The following DOCK4 variants were observed in gnomAD, a reference collection of about 807,000 sequenced individuals.
DOCK4 encodes dedicator of cytokinesis protein 4.
Under a neutral mutation model 268.1 loss-of-function variants are expected in DOCK4, and 97 were observed. That is an observed-to-expected ratio of 0.36 (90% confidence interval 0.31 to 0.43). The LOEUF is 0.43. DOCK4 is among the 20% of genes least tolerant of loss of function. The pLI is 1.00. For missense variants in DOCK4, 2,145 were observed against 2,455.7 expected, an observed-to-expected ratio of 0.87 and a Z score of 2.67; for synonymous variants, 954 against 887.2, an observed-to-expected ratio of 1.08 and a Z score of -1.34.
chr7:111,984,732 G>A (rs1448349085), intron 6 of DOCK4, among the ~76,000 whole-genome samples: 1 of 152,296 alleles, frequency 6.6e-6, no homozygotes, highest in East Asian at 1.9e-4. Flanking sequence ...TGGAGTGAAT[G>A]GAAACTAGAG....
At chr7:111,778,839 G>T (rs750855203) in intron 35 of DOCK4, among the ~76,000 whole-genome samples, 1 of 152,046 alleles carries the variant, frequency 6.6e-6, no homozygotes, top group Non-Finnish European at 1.5e-5. Flanking sequence ...GACAGATCAC[G>T]AGGTCAAGAG....
At chr7:112,190,215 C>T (rs1819825333) in intron 1 of DOCK4, among the ~76,000 whole-genome samples, 1 of 152,172 alleles carries the variant, frequency 6.6e-6, no homozygotes, top group African/African-American at 2.4e-5. Context: ...TACAGGTTAG[C>T]TCTGTGTTAC....
At chr7:111,779,187 A>G (rs1798643592) in intron 35 of DOCK4, among the ~76,000 whole-genome samples, 1 of 152,112 alleles carries the variant, frequency 6.6e-6, no homozygotes, top group Non-Finnish European at 1.5e-5. Flanking sequence ...TATTTTTAAG[A>G]TGTTATTCTG....
intron 26 of DOCK4, among the ~76,000 whole-genome samples, chr7:111,830,584 C>T (rs774862944): frequency 1.3e-4 from 19 of 151,988 alleles, no homozygotes; most frequent in Non-Finnish European, 2.5e-4. Context: ...TAATTCTGTC[C>T]CTTCCTGCTG....
intron 1 of DOCK4, among the ~76,000 whole-genome samples, chr7:112,034,413 C>T (rs1309671339): frequency 3.3e-5 from 5 of 152,172 alleles, no homozygotes; most frequent in Non-Finnish European, 7.4e-5. Flanking sequence ...TGACTAAACC[C>T]TGAACATCCT....
In DOCK4 at chr7:111,871,982, G is replaced by A. The variant is rs926569523; in HGVS notation, c.2027+8C>T. On this transcript the variant is annotated splice_region_variant and intron_variant, in intron 20 of 52. Transcript: ENST00000428084. ...CTTCTAAACTAATTACAAGATACAG[G>A]GCCTTACCTGTATGCAAGTGCCCCA... 2 of 1,541,964 alleles carry A rather than the reference G, an allele frequency of 1.3e-6. No individual in the cohort carries two copies. Among genetic ancestry groups the A allele is most frequent in the Non-Finnish European group, 1.8e-6 (2 of 1,142,350 alleles).
intron 1 of DOCK4, among the ~76,000 whole-genome samples, chr7:112,026,734 T>C (rs112675327): frequency 1.2e-4 from 19 of 152,358 alleles, no homozygotes; most frequent in African/African-American, 4.1e-4. Flanking sequence ...GACAGAGTCC[T>C]GTGGTCGGAA....
intron 1 of DOCK4, among the ~76,000 whole-genome samples, chr7:112,063,363 T>C (rs571516668): frequency 1.9e-4 from 29 of 152,318 alleles, no homozygotes; most frequent in Non-Finnish European, 3.5e-4. Flanking sequence ...GATAAACCCA[T>C]TGTAAACTGA....
chr7:111,874,044 T>A (rs1040285139), intron 17 of DOCK4, among the ~76,000 whole-genome samples: 1 of 152,152 alleles, frequency 6.6e-6, no homozygotes, highest in Non-Finnish European at 1.5e-5. Flanking sequence ...AGAGTGAGAC[T>A]CAGGGCGACA....
chr7:111,883,695 C>G (rs552044316), intron 16 of DOCK4, among the ~76,000 whole-genome samples: 3 of 152,192 alleles, frequency 2.0e-5, no homozygotes, highest in South Asian at 4.2e-4. Flanking sequence ...GAAGACTTGG[C>G]TGCTTTTCCA....
intron 15 of DOCK4, among the ~76,000 whole-genome samples, chr7:111,899,886 T>G (rs1790993891): frequency 6.6e-6 from 1 of 152,224 alleles, no homozygotes; most frequent in Non-Finnish European, 1.5e-5. Flanking sequence ...ATTGCGCCAC[T>G]GCACTCCAGC....
intron 26 of DOCK4, among the ~76,000 whole-genome samples, chr7:111,826,563 C>T (rs981905964): frequency 5.3e-5 from 8 of 152,054 alleles, no homozygotes; most frequent in Non-Finnish European, 7.4e-5. Context: ...AAAAAAAGAA[C>T]AAAATCATGT....
intron 1 of DOCK4, among the ~76,000 whole-genome samples, chr7:112,058,322 C>G (rs1806036923): frequency 6.6e-6 from 1 of 152,126 alleles, no homozygotes; most frequent in African/African-American, 2.4e-5. Context: ...CATTGCCCCT[C>G]TACTCCAAGA....
chr7:111,969,210 T>TAA (rs544019193), intron 8 of DOCK4, among the ~76,000 whole-genome samples: 3 of 98,162 alleles, frequency 3.1e-5, no homozygotes, highest in African/African-American at 6.9e-5. Context: ...TAGAGTATAA[T>TAA]AAAAAAAAAA....
chr7:111,801,011 C>T lies in DOCK4; in HGVS notation c.3166+7810G>A, dbSNP rs189257343. Among the ~76,000 whole-genome samples, 12 of 152,258 alleles carry T rather than the reference C, an allele frequency of 7.9e-5. No homozygotes were observed. The East Asian group carries it at 1.9e-3, about 24-fold the overall frequency. The stretch of plus-strand genomic sequence containing the variant: ...AACATTTCTTCTCTAACAGAAAAGG[C>T]GGCTGAAGAGCCAGGCTGGAAAACT... On this transcript the variant is annotated intron_variant, in intron 30 of 52. Transcript: ENST00000428084.
intron 1 of DOCK4, among the ~76,000 whole-genome samples, chr7:112,136,124 G>C (rs569823118): frequency 1.3e-5 from 2 of 152,284 alleles, no homozygotes; most frequent in East Asian, 3.9e-4. Context: ...CCTCAGTGTG[G>C]CTTATAACCC....
At chr7:111,808,763 A>T in intron 30 of DOCK4, 58 bp downstream of exon 30, 2 of 1,552,890 alleles carry the variant, frequency 1.3e-6, no homozygotes, top group African/African-American at 1.4e-5. Flanking sequence ...TCATTTGTAC[A>T]CTTCAAGGTA....
intron 39 of DOCK4, among the ~76,000 whole-genome samples, chr7:111,764,541 C>A (rs1409806554): frequency 6.6e-6 from 1 of 152,102 alleles, no homozygotes; most frequent in Non-Finnish European, 1.5e-5. Context: ...CACTACTGGG[C>A]AGAATGTGAA....
rs542217810 is a variant in DOCK4, at chr7:111,820,408, T to C, written c.2930+1954A>G. 3.9e-5 allele frequency: 6 copies of C among 152,314 alleles called. No homozygotes were observed. The East Asian group carries it at 7.7e-4, about 20-fold the overall frequency. 9.4% of individuals were successfully genotyped at this position (152,314 alleles called of 1,614,324 possible). Reference sequence around the variant, plus strand: ...ACATTTAGCAAAGGGTGATGGCACATTTCTTGGGTTTGCTATGGGAGTAAC... The same window carrying C: ...ACATTTAGCAAAGGGTGATGGCACACTTCTTGGGTTTGCTATGGGAGTAAC... On this transcript the variant is annotated intron_variant, in intron 27 of 52. Transcript: ENST00000428084.
Sources: allele counts gnomAD v4.1 joint callset (sites outside exome capture counted in the v4.1 genomes callset), GRCh38; gene constraint gnomAD v4.1.1; transcripts MANE v1.5; gene names NCBI Gene and HGNC (gene_info 2026-07-23, HGNC 2026-07-21).